SAMD5: variants seen among roughly 807,000 people sequenced by gnomAD.
SAMD5 encodes sterile alpha motif domain containing 5.
In SAMD5, 13 loss-of-function variants were observed where a neutral mutation model predicts 11.3. The observed-to-expected ratio is 1.15, with a 90% CI of 0.75 to 1.83. SAMD5 has a LOEUF of 1.83. Among genes scored for constraint, SAMD5 ranks in the 40% most tolerant of loss-of-function variants. The pLI is 0.00. For missense variants in SAMD5, 255 were observed against 239.1 expected (o/e 1.07, Z -0.44); for synonymous variants, 129 against 111.3 (o/e 1.16, Z -1.00).
At chr6:147,870,700 C>T in the SAMD5 span, among the ~76,000 whole-genome samples, 2 of 147,526 alleles carry the variant, frequency 1.4e-5, no homozygotes, top group African/African-American at 5.0e-5. Flanking sequence ...CTGCACACAT[C>T]AAGACAGAGC....
At chr6:147,659,735 C>G (rs1395453150) in intron 1 of SAMD5, among the ~76,000 whole-genome samples, 1 of 152,104 alleles carries the variant, frequency 6.6e-6, no homozygotes, top group Non-Finnish European at 1.5e-5. Flanking sequence ...TTGGAAATAT[C>G]TCTCTCTATA....
intron 1 of SAMD5, among the ~76,000 whole-genome samples, chr6:147,584,629 T>C (rs1015150248): frequency 6.6e-6 from 1 of 152,224 alleles, no homozygotes; most frequent in African/African-American, 2.4e-5. Flanking sequence ...GTAGGTGGCA[T>C]TTGTTCATCT....
chr6:147,557,853 T>C (rs917636387), intron 1 of SAMD5, among the ~76,000 whole-genome samples: 37 of 152,192 alleles, frequency 2.4e-4, no homozygotes, highest in Admixed American at 2.2e-3. Context: ...TGCCACTGAT[T>C]AGCAGTTTGA....
the SAMD5 span, among the ~76,000 whole-genome samples, chr6:147,802,252 T>C: frequency 6.6e-6 from 1 of 151,924 alleles, no homozygotes. Flanking sequence ...AGGCAAAATA[T>C]TTACACAAAA....
chr6:147,937,519 G>A, the SAMD5 span, among the ~76,000 whole-genome samples: 1 of 152,302 alleles, frequency 6.6e-6, no homozygotes, highest in African/African-American at 2.4e-5. Flanking sequence ...CATCTGTCAG[G>A]AAAATGTTTA....
rs558474419 is a variant in SAMD5 at position 147,654,189 on chromosome 6, T to TA, written c.163-83124dup. On this transcript the variant is annotated intron_variant, in intron 1 of 1. Coordinates refer to the SAMD5 transcript ENST00000566741. ...TTCTGCATTCTAGTTCTAAAAGCCA[T>TA]AAAAGGAACAATGTTTATTTTTCTG... Among the ~76,000 whole-genome samples the TA allele has an allele frequency of 2.3e-4, 35 of 152,322 alleles. 1 individual carries two copies. In the East Asian group the frequency reaches 6.6e-3, roughly 29 times the overall value.
At chr6:147,559,051 G>A (rs890530820) in intron 1 of SAMD5, among the ~76,000 whole-genome samples, 3 of 152,162 alleles carry the variant, frequency 2.0e-5, no homozygotes, top group African/African-American at 7.2e-5. Context: ...ATTAAATAAT[G>A]GTTGAAAGTA....
intron 1 of SAMD5, among the ~76,000 whole-genome samples, chr6:147,657,030 G>A (rs1191165152): frequency 6.6e-6 from 1 of 151,852 alleles, no homozygotes; most frequent in Non-Finnish European, 1.5e-5. Flanking sequence ...GTTGTATAAA[G>A]CATAGTATTT....
intron 1 of SAMD5, among the ~76,000 whole-genome samples, chr6:147,563,971 G>A (rs565997307): frequency 7.9e-5 from 12 of 152,302 alleles, no homozygotes; most frequent in Admixed American, 2.0e-4. Flanking sequence ...TGCTCTTCCA[G>A]CATGAGATAG....
intron 1 of SAMD5, among the ~76,000 whole-genome samples, chr6:147,720,650 T>G (rs566292388): frequency 6.6e-6 from 1 of 152,298 alleles, no homozygotes; most frequent in African/African-American, 2.4e-5. Context: ...AAATATAATC[T>G]ACACTGACTG....
intron 1 of SAMD5, among the ~76,000 whole-genome samples, chr6:147,540,215 A>C (rs1327244265): frequency 6.6e-6 from 1 of 152,204 alleles, no homozygotes; most frequent in Non-Finnish European, 1.5e-5. Context: ...TTACATAAGT[A>C]AAAAACCGGA....
chr6:147,626,398 T>C (rs1790050861), intron 1 of SAMD5, among the ~76,000 whole-genome samples: 1 of 151,054 alleles, frequency 6.6e-6, no homozygotes, highest in South Asian at 2.1e-4. Context: ...TTCAAGGAAA[T>C]AATTTTGGGT....
At chr6:147,821,529 C>T in the SAMD5 span, among the ~76,000 whole-genome samples, 3 of 152,192 alleles carry the variant, frequency 2.0e-5, no homozygotes, top group Admixed American at 2.0e-4. Flanking sequence ...GAGCCAAGTG[C>T]TACTTTTAAG....
the SAMD5 span, among the ~76,000 whole-genome samples, chr6:147,769,686 A>G: frequency 6.6e-6 from 1 of 152,206 alleles, no homozygotes. Context: ...TGGTATATTA[A>G]TAGGCTTTCA....
the SAMD5 span, among the ~76,000 whole-genome samples, chr6:147,817,269 A>G: frequency 6.6e-6 from 1 of 152,232 alleles, no homozygotes; most frequent in African/African-American, 2.4e-5. Flanking sequence ...ATTCATGGGA[A>G]AGTGAATGGC....
At chr6:147,705,752 C>T (rs1405336682) in intron 1 of SAMD5, among the ~76,000 whole-genome samples, 32 of 152,190 alleles carry the variant, frequency 2.1e-4, no homozygotes. Flanking sequence ...AGTAACCCAG[C>T]TGTCCAGCTA....
chr6:147,741,840 A>G (rs920903133), downstream of SAMD5: 28 of 152,198 alleles, frequency 1.8e-4, no homozygotes, highest in Admixed American at 5.9e-4. Context: ...TCACATTTTC[A>G]AAGCTCATCA....
At chr6:147,924,144 G>C in the SAMD5 span, among the ~76,000 whole-genome samples, 1,758 of 152,142 alleles carry the variant, frequency 0.012, 39 homozygotes, top group African/African-American at 0.039. Flanking sequence ...GTGGGGAAGT[G>C]GGACCTTGCC....
At chr6:147,643,996 T>C (rs1212953034) in intron 1 of SAMD5, among the ~76,000 whole-genome samples, 1 of 151,024 alleles carries the variant, frequency 6.6e-6, no homozygotes, top group African/African-American at 2.4e-5. Flanking sequence ...TCATACATAA[T>C]GACAAGTAGG....
Sources: gnomAD v4.1 joint callset for allele counts (sites outside exome capture counted in the v4.1 genomes callset) on GRCh38, gnomAD v4.1.1 for gene constraint, MANE v1.5 for transcripts, NCBI Gene and HGNC (gene_info 2026-07-23, HGNC 2026-07-21) for gene names.